FREM2: variants seen among roughly 807,000 people sequenced by gnomAD.
FREM2 encodes FRAS1 related extracellular matrix 2.
Under a neutral mutation model 219.9 loss-of-function variants are expected in FREM2, and 119 were observed. The ratio of observed to expected loss-of-function variants is 0.54; its 90% CI spans 0.47 to 0.63. FREM2 has a LOEUF of 0.63. Ranked by LOEUF, FREM2 falls within the 30% of genes least tolerant of loss-of-function variation. The probability of loss-of-function intolerance (pLI) is 0.00; values close to 1 mark genes in which losing one functional copy is unlikely to be tolerated. For synonymous variants in FREM2, 1,562 were observed against 1,522.8 expected (o/e 1.03, Z -0.60); for missense variants, 4,030 against 3,993.6 (o/e 1.01, Z -0.25).
chr13:38,711,989 G>A (rs1348260387), intron 2 of FREM2, among the ~76,000 whole-genome samples: 1 of 140,484 alleles, frequency 7.1e-6, no homozygotes, highest in Non-Finnish European at 1.5e-5. Context: ...GTGTGATCTC[G>A]GCTCACTGCA....
rs191024345 is a variant in FREM2 at position 38,770,292 on chromosome 13, G to A, written c.5641+484G>A. Among the ~76,000 whole-genome samples the A allele has an allele frequency of 5.8e-3, 880 of 151,166 alleles. 30 individuals are homozygous for A. Among genetic ancestry groups the A allele is most frequent in the Admixed American group, 0.052 (787 of 15,146 alleles). On this transcript the variant is annotated intron_variant, in intron 4 of 23. Coordinates refer to ENST00000280481, the MANE Select transcript of FREM2 (RefSeq NM_207361.6). ...AGGCTGGTCTCAAACTTCTGGCCTC[G>A]AGCTATCCTCCCAACTCAGCCTCCC...
chr13:38,780,148 G>C (rs1481856738), intron 4 of FREM2, among the ~76,000 whole-genome samples: 1 of 152,090 alleles, frequency 6.6e-6, no homozygotes, highest in Non-Finnish European at 1.5e-5. Context: ...TGGCTAATTT[G>C]ACATGTCAGC....
At chr13:38,872,197 CA>C (rs749179058) in intron 16 of FREM2, among the ~76,000 whole-genome samples, 1 of 151,958 alleles carries the variant, frequency 6.6e-6, no homozygotes, top group Non-Finnish European at 1.5e-5. Flanking sequence ...AAATCTATCA[CA>C]AAAAAACACA....
At position 38,792,962 on chromosome 13, in the gene FREM2, G is replaced by A. The variant is rs549582991; in HGVS notation, c.6019+8154G>A. Among the ~76,000 whole-genome samples, 3 of 152,258 alleles carry A rather than the reference G, an allele frequency of 2.0e-5. No individual in the cohort carries two copies. The South Asian group carries it at 6.2e-4, about 31-fold the overall frequency. Reference sequence around the variant, plus strand: ...ACTGTGAAGTTTTTGACTTAATAATGTACCGCACAAATTTTTTCTTTGAAA... The same window carrying A: ...ACTGTGAAGTTTTTGACTTAATAATATACCGCACAAATTTTTTCTTTGAAA... On this transcript the variant is annotated intron_variant, in intron 6 of 23. Transcript: ENST00000280481.
At chr13:38,736,943 C>T (rs1467438773) in intron 2 of FREM2, among the ~76,000 whole-genome samples, 4 of 151,938 alleles carry the variant, frequency 2.6e-5, no homozygotes, top group Admixed American at 2.6e-4. Flanking sequence ...TTGCATTTGG[C>T]AGTCTCCCTG....
Position 38,688,783 on chromosome 13 carries a change from G to T in FREM2, c.1439G>T (p.Arg480Leu), listed in dbSNP as rs754308022. The change falls in exon 1 of 24, where the codon CGG (arginine) becomes CTG (leucine). Residue 480 changes from arginine (R) to leucine (L), a missense_variant. By Grantham distance (102) the Arg-to-Leu change is moderately radical. Around this residue, in one of 2 missense-constraint regions of FREM2, gnomAD observed 3,102 missense variants for 2,950.7 expected, o/e 1.05. Transcript: ENST00000280481. Reference protein sequence around the residue: ...ISDEDDLEAVRLEVVAGLRHG... With the variant: ...ISDEDDLEAVLLEVVAGLRHG... Reference sequence around the variant, plus strand: ...GATGAGGATGACCTAGAAGCAGTGCGGCTAGAGGTGGTGGCTGGGCTCCGG... The same window carrying T: ...GATGAGGATGACCTAGAAGCAGTGCTGCTAGAGGTGGTGGCTGGGCTCCGG... The T allele has an allele frequency of 3.1e-6, 5 of 1,614,090 alleles. No homozygotes were observed. In the South Asian group the frequency reaches 4.4e-5, roughly 14 times the overall value.
At position 38,698,439 on chromosome 13, in the gene FREM2, C is replaced by G. The variant is rs770868455; in HGVS notation, c.5263+652C>G. Among the ~76,000 whole-genome samples the G allele has an allele frequency of 3.5e-4, 53 of 152,116 alleles. 1 individual carries two copies. The highest frequency in any genetic ancestry group is 7.4e-5 in the Non-Finnish European group (5 of 68,016). On this transcript the variant is annotated intron_variant, in intron 2 of 23. Coordinates refer to ENST00000280481, the MANE Select transcript of FREM2 (RefSeq NM_207361.6). ...GGGCGATATTATTCTCATTACTCCC[C>G]CAGAACTGCCTGCTGTTTATACTCC...
At chr13:38,834,422 G>T (rs951431024) in intron 6 of FREM2, among the ~76,000 whole-genome samples, 1 of 152,056 alleles carries the variant, frequency 6.6e-6, no homozygotes, top group African/African-American at 2.4e-5. Flanking sequence ...TAACGTTGAT[G>T]GACATTTATA....
chr13:38,759,696 A>G (rs923702226), intron 2 of FREM2, among the ~76,000 whole-genome samples: 1 of 152,210 alleles, frequency 6.6e-6, no homozygotes, highest in Admixed American at 6.5e-5. Flanking sequence ...TGCACCATAG[A>G]TGACAGAATC....
At position 38,843,688 on chromosome 13, in the gene FREM2, A is replaced by G. The variant is rs1009939051; in HGVS notation, c.6020-2885A>G. Among the ~76,000 whole-genome samples the G allele has an allele frequency of 4.6e-5, 7 of 152,304 alleles. No homozygotes were observed. The East Asian group carries it at 1.4e-3, about 29-fold the overall frequency. On this transcript the variant is annotated intron_variant, in intron 6 of 23. Coordinates refer to ENST00000280481, the MANE Select transcript of FREM2 (RefSeq NM_207361.6). Reference sequence around the variant, plus strand: ...TTACTGCTTGATGTGTCTTTAACTCATTCATATTACATAAGGTTTTCTCCC... The same window carrying G: ...TTACTGCTTGATGTGTCTTTAACTCGTTCATATTACATAAGGTTTTCTCCC...
chr13:38,690,991 C>T lies in FREM2; in HGVS notation c.3647C>T (p.Ala1216Val). Reference sequence around the variant, plus strand: ...ATTGATACACCCATTCTCAATGCTGCTGATGCTGATGTTCCCCTGGATGAT... The same window carrying T: ...ATTGATACACCCATTCTCAATGCTGTTGATGCTGATGTTCCCCTGGATGAT... The part of the protein sequence containing the change: ...LVIDTPILNA[A>V]DADVPLDDLT... The change falls in exon 1 of 24, where the codon GCT becomes GTT. Residue 1216 changes from alanine to valine, a missense_variant. By Grantham distance (64) the Ala-to-Val change is moderately conservative. This residue lies in a region of FREM2 where 3,102 missense variants were observed against 2,950.7 expected (regional missense o/e 1.05). Coordinates refer to ENST00000280481, the MANE Select transcript of FREM2 (RefSeq NM_207361.6). The T allele has an allele frequency of 6.2e-7, 1 of 1,614,060 alleles. No individual in the cohort carries two copies. The highest frequency in any genetic ancestry group is 8.5e-7 in the Non-Finnish European group (1 of 1,179,942).
In FREM2 at chr13:38,874,595, C is replaced by G. The variant is rs542074736; in HGVS notation, c.8281+9C>G. 23 of 1,607,772 alleles carry G rather than the reference C, an allele frequency of 1.4e-5. No homozygotes were observed. The highest frequency in any genetic ancestry group is 2.0e-5 in the Non-Finnish European group (23 of 1,174,236). The stretch of plus-strand genomic sequence containing the variant: ...TGTGCTGTCACATCCCGGTAAGCCC[C>G]GTTATCTTTTAACAACCACTCCTCA... On this transcript the variant is annotated intron_variant, in intron 18 of 23. Coordinates refer to ENST00000280481, the MANE Select transcript of FREM2 (RefSeq NM_207361.6).
chr13:38,865,718 A>G (rs1234986652), intron 16 of FREM2, among the ~76,000 whole-genome samples: 3 of 152,252 alleles, frequency 2.0e-5, no homozygotes, highest in Admixed American at 6.5e-5. Flanking sequence ...AAAAGCAGCA[A>G]CATTTAGTAA....
intron 6 of FREM2, among the ~76,000 whole-genome samples, chr13:38,815,607 C>T (rs114816156): frequency 3.3e-5 from 5 of 151,992 alleles, no homozygotes. Flanking sequence ...TTGAGATTAC[C>T]CGAGGCTGGG....
intron 2 of FREM2, among the ~76,000 whole-genome samples, chr13:38,741,977 G>A (rs1386687168): frequency 6.6e-6 from 1 of 152,162 alleles, no homozygotes; most frequent in African/African-American, 2.4e-5. Flanking sequence ...AGCAGAGGCT[G>A]GAAATACACT....
chr13:38,689,780 T>C lies in FREM2; in HGVS notation c.2436T>C (p.Asn812=), dbSNP rs1340940434. The C allele has an allele frequency of 6.2e-7, 1 of 1,613,722 alleles. No homozygotes were observed. ...TCCAGGTGGAAGACCGAGCTGGGAA[T>C]GTGGCTCCAGGTACCTTTACCCTTT... The part of the protein sequence containing the change: ...FQFQVEDRAG[N]VAPGTFTLYL... Residue 812 remains asparagine (N), a synonymous_variant, in exon 1 of 24, where the codon AAT becomes AAC. Coordinates refer to ENST00000280481, the MANE Select transcript of FREM2 (RefSeq NM_207361.6).
chr13:38,703,592 G>A (rs955235867), intron 2 of FREM2, among the ~76,000 whole-genome samples: 70 of 152,128 alleles, frequency 4.6e-4, no homozygotes, highest in African/African-American at 1.5e-3. Context: ...TTAAAAGCAT[G>A]ATTCTATTAA....
chr13:38,827,780 A>G (rs567690007), intron 6 of FREM2, among the ~76,000 whole-genome samples: 39 of 152,166 alleles, frequency 2.6e-4, no homozygotes, highest in Non-Finnish European at 5.6e-4. Context: ...CCTAGACAGC[A>G]TAATCATCCA....
At chr13:38,826,684 G>T (rs1441823555) in intron 6 of FREM2, among the ~76,000 whole-genome samples, 1 of 152,032 alleles carries the variant, frequency 6.6e-6, no homozygotes. Context: ...CATATTAATC[G>T]TCATCTTTCT....
Sources: gnomAD v4.1 joint callset for allele counts (sites outside exome capture counted in the v4.1 genomes callset) on GRCh38, gnomAD v4.1.1 for gene constraint, gnomAD v4.1.1 regional missense constraint, MANE v1.5 for transcripts, NCBI Gene and HGNC (gene_info 2026-07-23, HGNC 2026-07-21) for gene names.